Variants in FNBP1L observed in about 807,000 individuals in gnomAD.
FNBP1L encodes the protein formin-binding protein 1-like.
A neutral mutation model predicts 91.2 loss-of-function variants in FNBP1L; 36 were observed. The ratio of observed to expected loss-of-function variants is 0.39; its 90% CI spans 0.30 to 0.52. The LOEUF is 0.52. Among genes scored for constraint, FNBP1L ranks in the 20% least tolerant of loss-of-function variants. The probability of loss-of-function intolerance (pLI) is 0.66; values close to 1 mark genes in which losing one functional copy is unlikely to be tolerated. For synonymous variants in FNBP1L, 242 were observed against 237.0 expected (o/e 1.02, Z -0.19); for missense variants, 571 against 732.1 (o/e 0.78, Z 2.54).
chr1:93,546,474 T>A (rs553275463), intron 12 of FNBP1L, among the ~76,000 whole-genome samples: 1 of 152,222 alleles, frequency 6.6e-6, no homozygotes, highest in Admixed American at 6.5e-5. Flanking sequence ...CACTGTGGAA[T>A]AGTGTGGCTG....
chr1:93,461,550 CAAAA>C (rs59105240), intron 1 of FNBP1L, among the ~76,000 whole-genome samples: 1 of 145,670 alleles, frequency 6.9e-6, no homozygotes, highest in Non-Finnish European at 1.5e-5. Flanking sequence ...ATTTAAGGCG[CAAAA>C]AAAAAAGCAG....
intron 5 of FNBP1L, among the ~76,000 whole-genome samples, chr1:93,526,848 T>G (rs1180859234): frequency 3.8e-4 from 58 of 152,302 alleles, no homozygotes; most frequent in Non-Finnish European, 4.4e-5. Flanking sequence ...TTCCCACAAA[T>G]AAGATACCAA....
In FNBP1L at chr1:93,524,302, G is replaced by GGATAT; in HGVS notation, c.384_385insGATAT (p.Cys129AspfsTer49). ...GAAAAGCTCAACAATATCTTGACAT[G>GGATAT]TGCTGGAAACAGATGGATAATGTGA... On this transcript the variant is annotated frameshift_variant, in exon 5 of 17. Transcript: ENST00000271234. LOFTEE classifies it high-confidence loss of function. The GGATAT allele has an allele frequency of 6.6e-7, 1 of 1,511,004 alleles. No individual in the cohort carries two copies. Among genetic ancestry groups the GGATAT allele is most frequent in the Non-Finnish European group, 8.9e-7 (1 of 1,127,544 alleles). 93.6% of individuals were successfully genotyped at this position (1,511,004 alleles called of 1,614,324 possible).
At chr1:93,450,114 G>C (rs1308018788) in intron 1 of FNBP1L, among the ~76,000 whole-genome samples, 3 of 151,816 alleles carry the variant, frequency 2.0e-5, no homozygotes, top group Non-Finnish European at 4.4e-5. Context: ...TCACACTAAA[G>C]AATAACAGTT....
chr1:93,522,171 A>C, intron 3 of FNBP1L, 36 bp downstream of exon 3: 1 of 1,074,076 alleles, frequency 9.3e-7, no homozygotes, highest in Non-Finnish European at 1.2e-6. Flanking sequence ...GCATATTAAA[A>C]AATTTAAAAA....
At chr1:93,496,496 G>T (rs899409720) in intron 1 of FNBP1L, among the ~76,000 whole-genome samples, 1 of 152,024 alleles carries the variant, frequency 6.6e-6, no homozygotes, top group Non-Finnish European at 1.5e-5. Flanking sequence ...GACCTTCTGG[G>T]CTCAAACAAT....
At chr1:93,465,203 G>A (rs1037727028) in intron 1 of FNBP1L, among the ~76,000 whole-genome samples, 4 of 144,628 alleles carry the variant, frequency 2.8e-5, no homozygotes, top group African/African-American at 5.2e-5. Flanking sequence ...TGGGGGGGGG[G>A]GTTCTTTTTT....
At chr1:93,466,135 C>A (rs1285940747) in intron 1 of FNBP1L, among the ~76,000 whole-genome samples, 1 of 150,768 alleles carries the variant, frequency 6.6e-6, no homozygotes, top group East Asian at 2.0e-4. Flanking sequence ...CAAAAATTTT[C>A]TCCCGTTCTG....
chr1:93,456,257 G>A (rs1668653209), intron 1 of FNBP1L, among the ~76,000 whole-genome samples: 1 of 152,122 alleles, frequency 6.6e-6, no homozygotes, highest in Non-Finnish European at 1.5e-5. Flanking sequence ...GGCAATTGGG[G>A]CATTTTTTCC....
At chr1:93,450,837 T>G (rs1393851174) in intron 1 of FNBP1L, among the ~76,000 whole-genome samples, 4 of 152,224 alleles carry the variant, frequency 2.6e-5, no homozygotes, top group Admixed American at 2.6e-4. Context: ...GGAATTTTTA[T>G]TGCTATTTTA....
chr1:93,523,772 AAAG>A (rs1390850843), intron 4 of FNBP1L, among the ~76,000 whole-genome samples: 1 of 152,230 alleles, frequency 6.6e-6, no homozygotes, highest in Non-Finnish European at 1.5e-5. Context: ...ATGGTTGAAA[AAAG>A]AATAATATTT....
At chr1:93,473,818 A>T (rs1024096127) in intron 1 of FNBP1L, among the ~76,000 whole-genome samples, 5 of 152,184 alleles carry the variant, frequency 3.3e-5, no homozygotes, top group African/African-American at 1.2e-4. Context: ...AGCTAGTAAC[A>T]GTTGGGAGCT....
chr1:93,497,915 C>A (rs1219504928), intron 1 of FNBP1L, among the ~76,000 whole-genome samples: 1 of 151,732 alleles, frequency 6.6e-6, no homozygotes, highest in Non-Finnish European at 1.5e-5. Context: ...CCACTGCGCC[C>A]GGCCATAATA....
At chr1:93,476,826 A>T (rs1669513313) in intron 1 of FNBP1L, among the ~76,000 whole-genome samples, 1 of 152,220 alleles carries the variant, frequency 6.6e-6, no homozygotes, top group Admixed American at 6.5e-5. Flanking sequence ...AAACAGACAC[A>T]GAGAAAGATG....
intron 1 of FNBP1L, among the ~76,000 whole-genome samples, chr1:93,478,489 G>A (rs978027216): frequency 6.6e-6 from 1 of 152,210 alleles, no homozygotes; most frequent in African/African-American, 2.4e-5. Flanking sequence ...AGGGCAGCCA[G>A]CCTCAGGATA....
At chr1:93,523,199 TCCA>T in intron 3 of FNBP1L, 142 bp from the exon 4 acceptor site, 1 of 702,988 alleles carries the variant, frequency 1.4e-6, no homozygotes, top group African/African-American at 1.8e-5. Context: ...AGGATTTTTT[TCCA>T]TATGAAGTTA....
chr1:93,504,990 C>G (rs1344819469), intron 2 of FNBP1L, among the ~76,000 whole-genome samples: 1 of 151,828 alleles, frequency 6.6e-6, no homozygotes, highest in African/African-American at 2.4e-5. Flanking sequence ...TCCAAGAAAT[C>G]ATTGCAAAAT....
chr1:93,507,089 ACACACACACACACACACACT>A (rs1244873943), intron 2 of FNBP1L, among the ~76,000 whole-genome samples: 46 of 131,070 alleles, frequency 3.5e-4, no homozygotes, highest in Admixed American at 1.3e-3. Context: ...ACACACACAC[ACACACACACACACACACACT>A]CTCTCTCTCT....
At chr1:93,509,692 T>C (rs1670753653) in intron 2 of FNBP1L, among the ~76,000 whole-genome samples, 2 of 152,250 alleles carry the variant, frequency 1.3e-5, no homozygotes, top group Admixed American at 6.5e-5. Flanking sequence ...CATTTCCATC[T>C]GAGGTACCGG....
Sources: gnomAD v4.1 joint callset for allele counts (sites outside exome capture counted in the v4.1 genomes callset) on GRCh38, gnomAD v4.1.1 for gene constraint, MANE v1.5 for transcripts, NCBI Gene and HGNC (gene_info 2026-07-23, HGNC 2026-07-21) for gene names.